ATP10A: variants seen among roughly 807,000 people sequenced by gnomAD.
ATP10A encodes the protein phospholipid-transporting ATPase VA.
In ATP10A, 111 loss-of-function variants were observed where a neutral mutation model predicts 147.8. That is an observed-to-expected ratio of 0.75 (90% confidence interval 0.64 to 0.88). ATP10A has a LOEUF of 0.88. Ranked by LOEUF, ATP10A falls within the 40% of genes least tolerant of loss-of-function variation. The pLI, the probability that ATP10A is intolerant of heterozygous loss-of-function variation, is 0.00. For missense variants in ATP10A, 1,927 were observed against 1,959.0 expected (o/e 0.98, Z 0.31); for synonymous variants, 875 against 841.6 (o/e 1.04, Z -0.69).
chr15:25,711,908 C>T (rs79471876), intron 10 of ATP10A, among the ~76,000 whole-genome samples: 1,585 of 152,236 alleles, frequency 0.01, 12 homozygotes, highest in Middle Eastern at 0.02. Context: ...GTCTTGTAAC[C>T]GGCATCAGGT....
At chr15:25,788,523 G>A (rs914306781) in intron 1 of ATP10A, among the ~76,000 whole-genome samples, 6 of 152,226 alleles carry the variant, frequency 3.9e-5, no homozygotes, top group Non-Finnish European at 5.9e-5. Flanking sequence ...GTGAGAGGCC[G>A]TGGCCACTAT....
intron 1 of ATP10A, among the ~76,000 whole-genome samples, chr15:25,847,716 G>A (rs1282901814): frequency 7.8e-6 from 1 of 127,728 alleles, no homozygotes; most frequent in East Asian, 2.5e-4. Context: ...ACGTCTCACA[G>A]CACTCTTAAC....
chr15:25,811,547 C>T (rs186259827), intron 1 of ATP10A, among the ~76,000 whole-genome samples: 26 of 152,280 alleles, frequency 1.7e-4, no homozygotes, highest in South Asian at 4.1e-4. Flanking sequence ...GCCCATCCAA[C>T]GCAGCTCTTG....
At position 25,802,220 on chromosome 15, in the gene ATP10A, C is replaced by T. The variant is rs148939032; in HGVS notation, c.450-20997G>A. On this transcript the variant is annotated intron_variant, in intron 1 of 20. Coordinates refer to ENST00000555815, the MANE Select transcript of ATP10A (RefSeq NM_024490.4). ...CCGTGGAAACACGTGCGTGTGCCTG[C>T]GCCGCAGCACAGACCGAGCTGTTCT... Among the ~76,000 whole-genome samples the T allele has an allele frequency of 5.5e-3, 835 of 152,286 alleles. 10 individuals carry two copies. The highest frequency in any genetic ancestry group is 0.017 in the African/African-American group (700 of 41,574).
chr15:25,812,077 G>T (rs982622349), intron 1 of ATP10A, among the ~76,000 whole-genome samples: 1 of 152,212 alleles, frequency 6.6e-6, no homozygotes, highest in African/African-American at 2.4e-5. Context: ...TGGAGTGAAC[G>T]TTTATAGCGG....
chr15:25,736,161 A>G lies in ATP10A; in HGVS notation c.655-20T>C. ...GGAGACCTAAAATAACAGCACGTAG[A>G]CATTAGAGAAATCCGGGCTCAGGCT... On this transcript the variant is annotated intron_variant, in intron 2 of 20. Coordinates refer to ENST00000555815, the MANE Select transcript of ATP10A (RefSeq NM_024490.4). 3 of 1,604,678 alleles carry G rather than the reference A, an allele frequency of 1.9e-6. No homozygotes were observed. Among genetic ancestry groups the G allele is most frequent in the South Asian group, 1.1e-5 (1 of 90,786 alleles).
intron 2 of ATP10A, among the ~76,000 whole-genome samples, chr15:25,773,016 T>C (rs1228753963): frequency 2.0e-5 from 3 of 152,200 alleles, no homozygotes; most frequent in African/African-American, 7.2e-5. Flanking sequence ...TGAATTAATT[T>C]CGACACTAAA....
At chr15:25,834,025 A>T (rs1321588399) in intron 1 of ATP10A, among the ~76,000 whole-genome samples, 1 of 152,140 alleles carries the variant, frequency 6.6e-6, no homozygotes, top group Non-Finnish European at 1.5e-5. Context: ...CAAGTATACA[A>T]TACATTGTCA....
At chr15:25,807,479 A>C (rs1277552588) in intron 1 of ATP10A, among the ~76,000 whole-genome samples, 3 of 152,238 alleles carry the variant, frequency 2.0e-5, no homozygotes, top group African/African-American at 7.2e-5. Context: ...ATTTTAAATG[A>C]AGTTGTCATT....
chr15:25,735,581 G>C (rs1596787041), intron 3 of ATP10A, among the ~76,000 whole-genome samples: 2 of 152,190 alleles, frequency 1.3e-5, no homozygotes, highest in South Asian at 4.2e-4. Context: ...TAAACACAAA[G>C]GCAGGAACTT....
intron 7 of ATP10A, among the ~76,000 whole-genome samples, chr15:25,719,362 G>GAGT (rs954560110): frequency 6.6e-6 from 1 of 152,218 alleles, no homozygotes; most frequent in African/African-American, 2.4e-5. Flanking sequence ...TCACAAGGCT[G>GAGT]AGTACTTGCC....
chr15:25,756,119 G>T (rs546236445), intron 2 of ATP10A, among the ~76,000 whole-genome samples: 2 of 152,084 alleles, frequency 1.3e-5, no homozygotes, highest in Non-Finnish European at 2.9e-5. Flanking sequence ...TTTCATTTGG[G>T]AGCCATCCCT....
intron 1 of ATP10A, among the ~76,000 whole-genome samples, chr15:25,845,987 G>A (rs982113339): frequency 6.6e-6 from 1 of 152,208 alleles, no homozygotes; most frequent in Non-Finnish European, 1.5e-5. Flanking sequence ...TCAGAAAGGA[G>A]GCTCTGGCAC....
intron 2 of ATP10A, among the ~76,000 whole-genome samples, chr15:25,770,361 G>A (rs28510335): frequency 0.19 from 28,277 of 152,144 alleles, 2,831 homozygotes; most frequent in Non-Finnish European, 0.22. Flanking sequence ...GCCAGGCCCT[G>A]CGCCCCAACT....
chr15:25,718,921 C>A (rs1217097336), intron 7 of ATP10A, among the ~76,000 whole-genome samples: 1 of 152,162 alleles, frequency 6.6e-6, no homozygotes, highest in East Asian at 1.9e-4. Flanking sequence ...ACCCCTACAG[C>A]TAGGGTTTGG....
At chr15:25,816,362 C>T (rs1319096446) in intron 1 of ATP10A, among the ~76,000 whole-genome samples, 1 of 151,974 alleles carries the variant, frequency 6.6e-6, no homozygotes, top group Non-Finnish European at 1.5e-5. Context: ...CCACATCCAG[C>T]TGCTTTTCTA....
At chr15:25,743,365 T>C (rs1232349366) in intron 2 of ATP10A, among the ~76,000 whole-genome samples, 1 of 152,198 alleles carries the variant, frequency 6.6e-6, no homozygotes, top group East Asian at 1.9e-4. Flanking sequence ...ACTGGGCAAT[T>C]TGGACCAAAC....
intron 16 of ATP10A, 70 bp from the exon 17 acceptor site, chr15:25,683,556 A>T (rs1419862710): frequency 4.2e-6 from 6 of 1,425,954 alleles, no homozygotes; most frequent in Non-Finnish European, 5.8e-6. Context: ...CATCCGAGGG[A>T]GCTGACAGGC....
chr15:25,687,919 A>T (rs908559137), intron 15 of ATP10A, 91 bp from the exon 16 acceptor site: 8 of 1,574,676 alleles, frequency 5.1e-6, no homozygotes, highest in Non-Finnish European at 7.0e-6. Context: ...CACAACAGGG[A>T]AGGAAAATCC....
Sources: gnomAD v4.1 joint callset for allele counts (sites outside exome capture counted in the v4.1 genomes callset) on GRCh38, gnomAD v4.1.1 for gene constraint, MANE v1.5 for transcripts, NCBI Gene and HGNC (gene_info 2026-07-23, HGNC 2026-07-21) for gene names.